ASAP1: variants seen among roughly 807,000 people sequenced by gnomAD.
ASAP1 encodes the protein arf-GAP with SH3 domain, ANK repeat and PH domain-containing protein 1.
ASAP1 carries 43 observed loss-of-function variants against 145.2 expected under a neutral mutation model. The ratio of observed to expected loss-of-function variants is 0.30; its 90% CI spans 0.23 to 0.38. The LOEUF (loss-of-function observed/expected upper bound fraction) is 0.38. Ranked by LOEUF, ASAP1 falls within the 10% of genes least tolerant of loss-of-function variation. The pLI is 1.00. For missense variants in ASAP1, 1,018 were observed against 1,355.3 expected, an observed-to-expected ratio of 0.75 and a Z score of 3.91; for synonymous variants, 546 against 515.5, an observed-to-expected ratio of 1.06 and a Z score of -0.80.
intron 1 of ASAP1, among the ~76,000 whole-genome samples, chr8:130,414,303 GC>G (rs1165665233): frequency 1.3e-5 from 2 of 152,186 alleles, no homozygotes; most frequent in Non-Finnish European, 2.9e-5. Flanking sequence ...GTTGTTTCAA[GC>G]CATTAAGTCT....
chr8:130,197,476 C>G (rs73427307), intron 5 of ASAP1, among the ~76,000 whole-genome samples: 1 of 152,300 alleles, frequency 6.6e-6, no homozygotes, highest in African/African-American at 2.4e-5. Context: ...AGAACTGACA[C>G]CAATGAAGCT....
chr8:130,415,441 C>T (rs1829435156), intron 1 of ASAP1, among the ~76,000 whole-genome samples: 1 of 152,142 alleles, frequency 6.6e-6, no homozygotes, highest in Non-Finnish European at 1.5e-5. Flanking sequence ...GCACTCCAGT[C>T]TGGGCAACAC....
At chr8:130,205,885 G>T (rs983728335) in intron 5 of ASAP1, among the ~76,000 whole-genome samples, 1 of 152,014 alleles carries the variant, frequency 6.6e-6, no homozygotes, top group Non-Finnish European at 1.5e-5. Context: ...CAAGGATTTT[G>T]GACCTGAATG....
intron 3 of ASAP1, among the ~76,000 whole-genome samples, chr8:130,245,079 C>G (rs899191786): frequency 6.6e-6 from 1 of 152,042 alleles, no homozygotes; most frequent in Admixed American, 6.6e-5. Flanking sequence ...GGAAGAGGGA[C>G]CTGGCAGCCG....
At chr8:130,255,405 C>T (rs1018123991) in intron 3 of ASAP1, among the ~76,000 whole-genome samples, 6 of 152,138 alleles carry the variant, frequency 3.9e-5, no homozygotes, top group Admixed American at 2.0e-4. Context: ...GTTTTATGTG[C>T]AACCTGTATT....
chr8:130,401,046 A>G (rs1221958311), intron 2 of ASAP1, among the ~76,000 whole-genome samples: 3 of 151,058 alleles, frequency 2.0e-5, no homozygotes, highest in Admixed American at 6.6e-5. Context: ...ACACCCGGCT[A>G]ATTTTTTGTA....
At chr8:130,345,523 T>C (rs76054574) in intron 3 of ASAP1, among the ~76,000 whole-genome samples, 2 of 152,130 alleles carry the variant, frequency 1.3e-5, no homozygotes, top group Non-Finnish European at 2.9e-5. Flanking sequence ...TTACTTGCAC[T>C]TTGCAGCTAA....
intron 3 of ASAP1, among the ~76,000 whole-genome samples, chr8:130,257,745 C>T (rs961107202): frequency 3.3e-5 from 5 of 150,796 alleles, no homozygotes; most frequent in African/African-American, 1.2e-4. Context: ...AAAAATGTTT[C>T]TTTAACACAA....
chr8:130,363,623 C>T (rs1316511243), intron 2 of ASAP1, among the ~76,000 whole-genome samples: 1 of 152,074 alleles, frequency 6.6e-6, no homozygotes, highest in African/African-American at 2.4e-5. Flanking sequence ...TATGTAATGT[C>T]TGAATTCATT....
At chr8:130,313,939 C>T (rs1823512514) in intron 3 of ASAP1, among the ~76,000 whole-genome samples, 1 of 152,218 alleles carries the variant, frequency 6.6e-6, no homozygotes, top group Non-Finnish European at 1.5e-5. Context: ...GCCCTGCAGA[C>T]TGCTGGCTTC....
intron 7 of ASAP1, among the ~76,000 whole-genome samples, chr8:130,182,686 G>C (rs1002644435): frequency 2.6e-5 from 4 of 152,088 alleles, no homozygotes; most frequent in Admixed American, 6.6e-5. Flanking sequence ...ATGAAAGTGA[G>C]AGTGAAAGTA....
intron 1 of ASAP1, among the ~76,000 whole-genome samples, chr8:130,440,622 C>T (rs1225342656): frequency 1.3e-5 from 2 of 152,024 alleles, no homozygotes; most frequent in Non-Finnish European, 2.9e-5. Flanking sequence ...GCTGTGTGAT[C>T]TCGTCCCTGC....
At chr8:130,150,977 T>C (rs2097644985) in intron 13 of ASAP1, among the ~76,000 whole-genome samples, 1 of 152,208 alleles carries the variant, frequency 6.6e-6, no homozygotes, top group Non-Finnish European at 1.5e-5. Context: ...CAGATGACTG[T>C]GTATGGAATT....
At chr8:130,381,698 T>G (rs976923497) in intron 2 of ASAP1, among the ~76,000 whole-genome samples, 1 of 152,224 alleles carries the variant, frequency 6.6e-6, no homozygotes, top group Non-Finnish European at 1.5e-5. Context: ...AGGCCTTATA[T>G]GACCAGGCCA....
intron 3 of ASAP1, among the ~76,000 whole-genome samples, chr8:130,248,516 T>TG (rs1818997011): frequency 6.6e-6 from 1 of 151,982 alleles, no homozygotes; most frequent in Non-Finnish European, 1.5e-5. Flanking sequence ...GAAAGGGCCA[T>TG]GGTAAGGAGA....
intron 25 of ASAP1, among the ~76,000 whole-genome samples, chr8:130,086,934 C>T (rs796357380): frequency 6.6e-6 from 1 of 152,182 alleles, no homozygotes; most frequent in Non-Finnish European, 1.5e-5. Context: ...CTCTGGCCCT[C>T]GTTCTCACAA....
chr8:130,375,369 G>T (rs931900604), intron 2 of ASAP1, among the ~76,000 whole-genome samples: 1 of 151,944 alleles, frequency 6.6e-6, no homozygotes, highest in Non-Finnish European at 1.5e-5. Context: ...GGTTAGGGGT[G>T]GGGGAGCAGC....
intron 3 of ASAP1, among the ~76,000 whole-genome samples, chr8:130,303,277 C>T (rs1822788900): frequency 6.6e-6 from 1 of 152,192 alleles, no homozygotes; most frequent in Non-Finnish European, 1.5e-5. Flanking sequence ...CACAGCAAAA[C>T]TATAAGTGTA....
At chr8:130,099,012 C>CA (rs2097523938) in intron 24 of ASAP1, among the ~76,000 whole-genome samples, 1 of 116,086 alleles carries the variant, frequency 8.6e-6, no homozygotes, top group African/African-American at 3.2e-5. Flanking sequence ...CTAATATAAG[C>CA]TTTTTTTTTT....
Sources: gnomAD v4.1 joint callset for allele counts (sites outside exome capture counted in the v4.1 genomes callset) on GRCh38, gnomAD v4.1.1 for gene constraint, MANE v1.5 for transcripts, NCBI Gene and HGNC (gene_info 2026-07-23, HGNC 2026-07-21) for gene names.